Variants in JMY observed in about 807,000 individuals in gnomAD.
JMY encodes the protein junction mediating and regulatory protein, p53 cofactor.
Under a neutral mutation model 103.3 loss-of-function variants are expected in JMY, and 46 were observed. The observed-to-expected ratio is 0.45, with a 90% CI of 0.35 to 0.57. The LOEUF (loss-of-function observed/expected upper bound fraction) is 0.57. Among genes scored for constraint, JMY ranks in the 20% least tolerant of loss-of-function variants. The pLI, the probability that JMY is intolerant of heterozygous loss-of-function variation, is 0.00. For missense variants in JMY, 1,238 were observed against 1,255.2 expected, an observed-to-expected ratio of 0.99 and a Z score of 0.21; for synonymous variants, 526 against 489.3, an observed-to-expected ratio of 1.07 and a Z score of -0.99.
chr5:79,284,622 G>T, intron 2 of JMY: 1 of 1,550,544 alleles, frequency 6.4e-7, no homozygotes, highest in Non-Finnish European at 8.8e-7. Flanking sequence ...TCCATGCCAT[G>T]GAAGTTAGGC....
intron 4 of JMY, among the ~76,000 whole-genome samples, chr5:79,296,017 C>G (rs1746552607): frequency 6.6e-6 from 1 of 152,112 alleles, no homozygotes; most frequent in South Asian, 2.1e-4. Context: ...CAAACATAAC[C>G]TTTTATGCTA....
intron 4 of JMY, among the ~76,000 whole-genome samples, chr5:79,295,365 CT>C (rs1746536916): frequency 6.6e-6 from 1 of 152,216 alleles, no homozygotes; most frequent in African/African-American, 2.4e-5. Context: ...GCAAACTTAA[CT>C]CTTTAGGAAA....
chr5:79,293,413 T>C (rs1414973897), intron 4 of JMY, among the ~76,000 whole-genome samples: 1 of 152,032 alleles, frequency 6.6e-6, no homozygotes, highest in South Asian at 2.1e-4. Context: ...CTTTTTTTTT[T>C]TTTTAAATTA....
In JMY at chr5:79,314,654, C is replaced by T. The variant is rs770440283; in HGVS notation, c.2462C>T (p.Pro821Leu). The change falls in exon 9 of 11, where the codon CCA becomes CTA. Residue 821 changes from proline (P) to leucine (L), a missense_variant. By Grantham distance (98) the Pro-to-Leu change is moderately conservative (BLOSUM62 -3). Coordinates refer to ENST00000396137, the MANE Select transcript of JMY (RefSeq NM_152405.5). ...PPPPPPPPPPPPPPPLPVAKD... is the reference protein window; with the variant it reads ...PPPPPPPPPPLPPPPLPVAKD... ...CCTCCCCCACCTCCTCCCCCTCCCC[C>T]ACCACCACCACCTCTGCCTGTTGCT... The T allele has an allele frequency of 6.3e-7, 1 of 1,580,798 alleles. No homozygotes were observed. Among genetic ancestry groups the T allele is most frequent in the South Asian group, 1.1e-5 (1 of 88,432 alleles).
chr5:79,310,842 AG>A (rs1747025060), intron 7 of JMY, among the ~76,000 whole-genome samples: 1 of 152,200 alleles, frequency 6.6e-6, no homozygotes, highest in South Asian at 2.1e-4. Context: ...TCAAAACTCC[AG>A]GCTTTCACTT....
Position 79,321,942 on chromosome 5 carries a change from TGGGTTGACA to T in JMY, c.*342_*350del, listed in dbSNP as rs1747466200. Reference sequence around the variant, plus strand: ...GGCTTGCTGTAAGTTGGAAGAACACTGGGTTGACAGAGATCTACTGTGAGCTGTATTGGG... The same window carrying T: ...GGCTTGCTGTAAGTTGGAAGAACACTGAGATCTACTGTGAGCTGTATTGGG... On this transcript the variant is annotated 3_prime_UTR_variant, in exon 11 of 11. Coordinates refer to ENST00000396137, the MANE Select transcript of JMY (RefSeq NM_152405.5). 6.6e-6 allele frequency: 1 copy of T among 152,218 alleles called. No homozygotes were observed. The highest frequency in any genetic ancestry group is 2.4e-5 in the African/African-American group (1 of 41,444). 9.4% of individuals were successfully genotyped at this position (152,218 alleles called of 1,614,324 possible).
At chr5:79,310,421 A>G (rs1035639269) in intron 7 of JMY, among the ~76,000 whole-genome samples, 1 of 152,150 alleles carries the variant, frequency 6.6e-6, no homozygotes, top group Non-Finnish European at 1.5e-5. Context: ...AATTTTGCCT[A>G]ATATCTTGGT....
At chr5:79,317,220 C>T (rs555485137) in intron 10 of JMY, among the ~76,000 whole-genome samples, 6 of 151,864 alleles carry the variant, frequency 4.0e-5, no homozygotes, top group African/African-American at 1.4e-4. Context: ...CTTTCTAAAC[C>T]CTTAAAAAAA....
chr5:79,267,222 G>T (rs1011781560), intron 1 of JMY, among the ~76,000 whole-genome samples: 2 of 152,050 alleles, frequency 1.3e-5, no homozygotes, highest in Admixed American at 6.6e-5. Context: ...TACAGTTCTG[G>T]GTTTGTTTTC....
At chr5:79,320,544 C>A (rs7722789) in intron 10 of JMY, among the ~76,000 whole-genome samples, 75,119 of 151,820 alleles carry the variant, frequency 0.49, 18,983 homozygotes, top group Non-Finnish European at 0.57. Flanking sequence ...CTCCTGACCT[C>A]AACTGATCCA....
intron 2 of JMY, chr5:79,284,220 C>T: frequency 1.3e-6 from 2 of 1,541,056 alleles, no homozygotes; most frequent in Non-Finnish European, 1.8e-6. Flanking sequence ...TCCAGAACTA[C>T]TGCCTTCACC....
chr5:79,315,096 A>T (rs548444777), intron 9 of JMY, among the ~76,000 whole-genome samples: 12 of 152,262 alleles, frequency 7.9e-5, no homozygotes, highest in Non-Finnish European at 4.4e-5. Context: ...ATGTTTGGTA[A>T]TGTATAATGG....
At position 79,237,643 on chromosome 5, in the gene JMY, CGAA is replaced by C; in HGVS notation, c.998_1000del (p.Glu333del). 1.2e-6 allele frequency: 2 copies of C among 1,613,652 alleles called. No homozygotes were observed. Among genetic ancestry groups the C allele is most frequent in the Non-Finnish European group, 1.7e-6 (2 of 1,179,890 alleles). ...TCAGCGAGCTGCGGCAGAAGGGCTA[CGAA>C]GAAGTGCTTCAGCGGGCCAGGAAGC... On this transcript the variant is annotated inframe_deletion, in exon 1 of 11. Transcript: ENST00000396137.
intron 2 of JMY, among the ~76,000 whole-genome samples, chr5:79,289,006 G>A (rs1017530348): frequency 5.3e-5 from 8 of 151,718 alleles, no homozygotes; most frequent in African/African-American, 1.5e-4. Context: ...AGGCTGTGGC[G>A]GTCGGATCAT....
Position 79,237,068 on chromosome 5 carries a change from C to T in JMY, c.418C>T (p.Leu140Phe), listed in dbSNP as rs951746165. 3.9e-6 allele frequency: 6 copies of T among 1,537,158 alleles called. No individual in the cohort carries two copies. Among genetic ancestry groups the T allele is most frequent in the Non-Finnish European group, 5.3e-6 (6 of 1,138,248 alleles). The part of the protein sequence containing the change: ...SPGSKGAESR[L>F]RSPVRAKPIP... ...TGGCAGCAAAGGGGCGGAGAGTCGTCTTAGGAGCCCAGTGCGGGCCAAACC... is the reference window on the plus strand; with the variant it reads ...TGGCAGCAAAGGGGCGGAGAGTCGTTTTAGGAGCCCAGTGCGGGCCAAACC... Residue 140 changes from leucine to phenylalanine, a missense_variant, in exon 1 of 11, where the codon CTT (leucine) becomes TTT (phenylalanine). Transcript: ENST00000396137.
At position 79,237,365 on chromosome 5, in the gene JMY, C is replaced by G; in HGVS notation, c.715C>G (p.Arg239Gly). The G allele has an allele frequency of 6.2e-7, 1 of 1,612,608 alleles. No homozygotes were observed. Among genetic ancestry groups the G allele is most frequent in the Non-Finnish European group, 8.5e-7 (1 of 1,179,628 alleles). ...WAGLFSFQDL[R>G]AVHQQLCSVN... ...CGGACTGTTTTCTTTCCAGGACCTG[C>G]GCGCCGTGCACCAGCAGCTGTGCTC... is the stretch of plus-strand genomic sequence containing the variant. Residue 239 changes from arginine (R) to glycine (G), a missense_variant, in exon 1 of 11, where the codon CGC (arginine) becomes GGC (glycine). Transcript: ENST00000396137.
intron 1 of JMY, among the ~76,000 whole-genome samples, chr5:79,250,236 A>G (rs1042821816): frequency 6.6e-6 from 1 of 152,162 alleles, no homozygotes; most frequent in African/African-American, 2.4e-5. Context: ...ACAACAAGAA[A>G]AATCTAACGG....
At chr5:79,246,872 A>T (rs1334525147) in intron 1 of JMY, among the ~76,000 whole-genome samples, 4 of 151,774 alleles carry the variant, frequency 2.6e-5, no homozygotes, top group Non-Finnish European at 4.4e-5. Flanking sequence ...ACAGAGCAAG[A>T]CACCATCTCA....
At chr5:79,284,349 T>C in intron 2 of JMY, 1 of 1,293,964 alleles carries the variant, frequency 7.7e-7, no homozygotes, top group South Asian at 1.2e-5. Flanking sequence ...TTTCCAATGC[T>C]GTCTGGAATC....
Sources: gnomAD v4.1 joint callset for allele counts (sites outside exome capture counted in the v4.1 genomes callset) on GRCh38, gnomAD v4.1.1 for gene constraint, MANE v1.5 for transcripts, NCBI Gene and HGNC (gene_info 2026-07-23, HGNC 2026-07-21) for gene names.